TRPM3: variants seen among roughly 807,000 people sequenced by gnomAD.
TRPM3 encodes the protein transient receptor potential cation channel subfamily M member 3.
TRPM3 carries 77 observed loss-of-function variants against 181.2 expected under a neutral mutation model. The ratio of observed to expected loss-of-function variants is 0.42; its 90% CI spans 0.35 to 0.51. The LOEUF is 0.51. TRPM3 is among the 20% of genes least tolerant of loss of function. TRPM3 has a pLI of 0.01. For synonymous variants in TRPM3, 745 were observed against 796.4 expected, an observed-to-expected ratio of 0.94 and a Z score of 1.09; for missense variants, 1,759 against 2,196.7, an observed-to-expected ratio of 0.80 and a Z score of 3.98.
intron 1 of TRPM3, among the ~76,000 whole-genome samples, chr9:71,421,001 GAGAGAAAAAGAGAGAAAA>G (rs1349075366): frequency 8.1e-6 from 1 of 123,022 alleles, no homozygotes; most frequent in African/African-American, 3.0e-5. Context: ...GAGAGAAAAA[GAGAGAAAAAGAGAGAAAA>G]AGAGAGAAAA....
rs1232801555 is a variant in TRPM3, at chr9:71,006,879, A to AAC, written c.177+114298_177+114299insGT. ...GAGCGAGACTCCGTCTCAAAAAAAA[A>AAC]AAAAAAATACAAAATTAGGTGTGGT... On this transcript the variant is annotated intron_variant, in intron 1 of 25. Coordinates refer to ENST00000677713, the MANE Select transcript of TRPM3 (RefSeq NM_001366145.2). Among the ~76,000 whole-genome samples the AAC allele has an allele frequency of 1.5e-3, 226 of 149,062 alleles. 4 individuals are homozygous for AAC. The highest frequency in any genetic ancestry group is 4.7e-3 in the East Asian group (24 of 5,084).
At chr9:70,851,055 T>C (rs900619293) in intron 3 of TRPM3, among the ~76,000 whole-genome samples, 1 of 152,188 alleles carries the variant, frequency 6.6e-6, no homozygotes, top group African/African-American at 2.4e-5. Flanking sequence ...ATTGTGGCTT[T>C]TGGAACCCCA....
intron 8 of TRPM3, among the ~76,000 whole-genome samples, chr9:70,745,359 A>C (rs2074963604): frequency 6.6e-6 from 1 of 152,190 alleles, no homozygotes; most frequent in Admixed American, 6.5e-5. Flanking sequence ...AATTTAAAAG[A>C]GTTTCAGAAC....
At chr9:71,226,132 AAAT>A (rs1309487360) in intron 1 of TRPM3, among the ~76,000 whole-genome samples, 2 of 123,030 alleles carry the variant, frequency 1.6e-5, no homozygotes, top group Admixed American at 8.7e-5. Context: ...ATGGGTTATA[AAAT>A]ATTATTTGCA....
Position 71,187,949 on chromosome 9 carries a change from A to C in TRPM3, c.183+258704T>G, listed in dbSNP as rs1457803973. Among the ~76,000 whole-genome samples the C allele has an allele frequency of 3.8e-4, 23 of 60,642 alleles. No individual in the cohort carries two copies. The East Asian group carries it at 7.5e-3, about 20-fold the overall frequency. The allele number at this position is 60,642 out of a possible 152,430, so 39.8% of individuals were successfully genotyped here. On this transcript the variant is annotated intron_variant, in intron 1 of 24. Transcript: ENST00000357533. ...TAGATAGATAGATAGATAGATAGATAGATCATCGCATTTTTTAAAAAAGTT... is the reference window on the plus strand; with the variant it reads ...TAGATAGATAGATAGATAGATAGATCGATCATCGCATTTTTTAAAAAAGTT...
intron 1 of TRPM3, among the ~76,000 whole-genome samples, chr9:71,039,054 A>G (rs752243233): frequency 1.3e-5 from 2 of 152,216 alleles, no homozygotes; most frequent in Non-Finnish European, 2.9e-5. Flanking sequence ...TGTATCATGT[A>G]TCTTGCTAAG....
At chr9:70,843,873 G>A (rs929485441) in intron 4 of TRPM3, among the ~76,000 whole-genome samples, 1 of 152,092 alleles carries the variant, frequency 6.6e-6, no homozygotes, top group African/African-American at 2.4e-5. Flanking sequence ...AGATGTATAA[G>A]ATATATCCTC....
chr9:71,277,104 A>T (rs1807049963), intron 1 of TRPM3, among the ~76,000 whole-genome samples: 1 of 151,554 alleles, frequency 6.6e-6, no homozygotes, highest in South Asian at 2.1e-4. Flanking sequence ...ACAACTAAGT[A>T]ATATTTAGGA....
intron 1 of TRPM3, among the ~76,000 whole-genome samples, chr9:71,062,630 A>T (rs747536423): frequency 6.6e-6 from 1 of 152,134 alleles, no homozygotes; most frequent in Non-Finnish European, 1.5e-5. Flanking sequence ...CACAAAATTC[A>T]TGTGTAGGAA....
chr9:70,637,073 C>A (rs1468958714), intron 11 of TRPM3, among the ~76,000 whole-genome samples: 1 of 152,112 alleles, frequency 6.6e-6, no homozygotes, highest in African/African-American at 2.4e-5. Flanking sequence ...ACGTGCCCAT[C>A]AGAGCTCTTT....
chr9:70,673,453 A>G (rs776445534), intron 9 of TRPM3, among the ~76,000 whole-genome samples: 1 of 152,198 alleles, frequency 6.6e-6, no homozygotes, highest in Non-Finnish European at 1.5e-5. Context: ...ACTCAACACT[A>G]TAAACCTTAC....
intron 8 of TRPM3, among the ~76,000 whole-genome samples, chr9:70,740,330 A>G (rs183055943): frequency 4.6e-5 from 7 of 152,316 alleles, no homozygotes; most frequent in Admixed American, 3.9e-4. Flanking sequence ...ATGACACAAA[A>G]ACATAGGAAC....
intron 1 of TRPM3, among the ~76,000 whole-genome samples, chr9:71,235,638 T>C (rs1346996588): frequency 6.6e-6 from 1 of 152,248 alleles, no homozygotes; most frequent in Non-Finnish European, 1.5e-5. Flanking sequence ...GCTTTGGTGA[T>C]ATAATTTCAG....
At chr9:71,033,216 G>A (rs2057754914) in intron 1 of TRPM3, among the ~76,000 whole-genome samples, 1 of 152,230 alleles carries the variant, frequency 6.6e-6, no homozygotes, top group African/African-American at 2.4e-5. Flanking sequence ...TAGACTATCA[G>A]AAAGTCAAAC....
intron 9 of TRPM3, among the ~76,000 whole-genome samples, chr9:70,661,631 G>A (rs1428190036): frequency 2.0e-5 from 3 of 151,868 alleles, no homozygotes; most frequent in Non-Finnish European, 4.4e-5. Flanking sequence ...CAGTAACACT[G>A]GAATACACCA....
At chr9:70,922,801 T>C (rs1589801674) in intron 1 of TRPM3, among the ~76,000 whole-genome samples, 2 of 152,196 alleles carry the variant, frequency 1.3e-5, no homozygotes, top group Non-Finnish European at 2.9e-5. Flanking sequence ...CTCAGTCTCG[T>C]TTTCTTTCCA....
chr9:71,431,926 C>T lies in TRPM3; in HGVS notation c.183+14727G>A, dbSNP rs144860049. Among the ~76,000 whole-genome samples, 367 of 152,312 alleles carry T rather than the reference C, an allele frequency of 2.4e-3. 6 individuals carry two copies. In the South Asian group the frequency reaches 0.046, roughly 19 times the overall value. On this transcript the variant is annotated intron_variant, in intron 1 of 24. Coordinates refer to the TRPM3 transcript ENST00000357533. ...TATGCTCTTTCACTTACTTCACACA[C>T]AATTACTGAGTTTCTACAACATGCC...
chr9:71,167,040 G>T (rs1211073900), intron 1 of TRPM3, among the ~76,000 whole-genome samples: 1 of 152,080 alleles, frequency 6.6e-6, no homozygotes, highest in East Asian at 1.9e-4. Flanking sequence ...TCTGTTGAAT[G>T]TTCCATTTTT....
In TRPM3 at chr9:70,535,499, G is replaced by A; in HGVS notation, c.*454C>T. 6.5e-7 allele frequency: 1 copy of A among 1,550,268 alleles called. No individual in the cohort carries two copies. Among genetic ancestry groups the A allele is most frequent in the Non-Finnish European group, 8.7e-7 (1 of 1,146,970 alleles). On this transcript the variant is annotated 3_prime_UTR_variant, in exon 26 of 26. Transcript: ENST00000677713. ...AGCCAATGTGAAAAGAAAACAGAATGGAAGTTTAGAATATCTCATTGTGTA... is the reference window on the plus strand; with the variant it reads ...AGCCAATGTGAAAAGAAAACAGAATAGAAGTTTAGAATATCTCATTGTGTA...
Sources: gnomAD v4.1 joint callset for allele counts (sites outside exome capture counted in the v4.1 genomes callset) on GRCh38, gnomAD v4.1.1 for gene constraint, MANE v1.5 for transcripts, NCBI Gene and HGNC (gene_info 2026-07-23, HGNC 2026-07-21) for gene names.